The following ANO3 variants were observed in gnomAD, a reference collection of about 807,000 sequenced individuals.
ANO3 encodes anoctamin-3.
In ANO3, 99 loss-of-function variants were observed where a neutral mutation model predicts 144.8. The observed-to-expected ratio is 0.68, with a 90% CI of 0.58 to 0.81. ANO3 has a LOEUF of 0.81. Ranked by LOEUF, ANO3 falls within the 30% of genes least tolerant of loss-of-function variation. The pLI is 0.00. For missense variants in ANO3, 905 were observed against 1,202.2 expected (o/e 0.75, Z 3.66); for synonymous variants, 414 against 392.6 (o/e 1.05, Z -0.64).
intron 4 of ANO3, among the ~76,000 whole-genome samples, chr11:26,465,124 T>TTGTG (rs36230269): frequency 0.044 from 6,404 of 145,326 alleles, 172 homozygotes; most frequent in Middle Eastern, 0.066. Flanking sequence ...CATCATTAAA[T>TTGTG]TGTGTGTGTG....
chr11:26,432,735 T>G (rs1363185169), intron 1 of ANO3, among the ~76,000 whole-genome samples: 1 of 151,964 alleles, frequency 6.6e-6, no homozygotes, highest in African/African-American at 2.4e-5. Flanking sequence ...AATTTCACAT[T>G]CTCTATGCTG....
intron 5 of ANO3, among the ~76,000 whole-genome samples, chr11:26,513,548 G>A (rs294016): frequency 0.027 from 4,183 of 152,152 alleles, 162 homozygotes; most frequent in African/African-American, 0.091. Flanking sequence ...CTCTTCCAGC[G>A]TTCATCAGAT....
chr11:26,310,780 G>A (rs1205181743), intron 1 of ANO3, among the ~76,000 whole-genome samples: 4 of 152,090 alleles, frequency 2.6e-5, no homozygotes, highest in Non-Finnish European at 5.9e-5. Flanking sequence ...TATATTCTGT[G>A]AACTTGTTTA....
chr11:26,567,746 T>C (rs1850649798), intron 14 of ANO3, among the ~76,000 whole-genome samples: 1 of 151,968 alleles, frequency 6.6e-6, no homozygotes, highest in Admixed American at 6.6e-5. Flanking sequence ...CATAGCGGCA[T>C]TATTTATAAG....
chr11:26,200,638 G>A (rs1289704241), intron 1 of ANO3, among the ~76,000 whole-genome samples: 1 of 152,104 alleles, frequency 6.6e-6, no homozygotes, highest in Non-Finnish European at 1.5e-5. Flanking sequence ...GCAAAAGGAA[G>A]ATACAGAGAA....
intron 18 of ANO3, among the ~76,000 whole-genome samples, chr11:26,629,966 G>A (rs1852723733): frequency 6.6e-6 from 1 of 152,074 alleles, no homozygotes; most frequent in Non-Finnish European, 1.5e-5. Flanking sequence ...ATTTCCAATG[G>A]GATTTTAAGT....
chr11:26,541,443 A>T (rs571934523), intron 10 of ANO3, among the ~76,000 whole-genome samples: 1 of 152,282 alleles, frequency 6.6e-6, no homozygotes, highest in South Asian at 2.1e-4. Flanking sequence ...ATAAATTATA[A>T]TAAAAAAAGA....
intron 4 of ANO3, among the ~76,000 whole-genome samples, chr11:26,499,570 A>G (rs1861106705): frequency 6.6e-6 from 1 of 151,626 alleles, no homozygotes; most frequent in South Asian, 2.1e-4. Context: ...TGAAAATTTT[A>G]TGGATTTGTA....
intron 17 of ANO3, among the ~76,000 whole-genome samples, chr11:26,606,398 A>G (rs1202329749): frequency 6.6e-6 from 1 of 152,136 alleles, no homozygotes; most frequent in Non-Finnish European, 1.5e-5. Flanking sequence ...AAGGATGTAT[A>G]TTCTGTTGAT....
intron 1 of ANO3, among the ~76,000 whole-genome samples, chr11:26,230,524 C>T (rs574117345): frequency 3.3e-5 from 5 of 151,994 alleles, no homozygotes; most frequent in African/African-American, 9.6e-5. Flanking sequence ...TGGCCAGGCA[C>T]GGTAGCTCAC....
intron 1 of ANO3, among the ~76,000 whole-genome samples, chr11:26,395,793 C>T (rs10834972): frequency 0.27 from 40,411 of 151,840 alleles, 6,040 homozygotes; most frequent in African/African-American, 0.41. Context: ...CAAAAATTAA[C>T]GCAAGATAGA....
At chr11:26,595,394 GTTC>G (rs1378037097) in intron 14 of ANO3, among the ~76,000 whole-genome samples, 2 of 142,836 alleles carry the variant, frequency 1.4e-5, no homozygotes, top group Admixed American at 1.4e-4. Flanking sequence ...ATAAACAACA[GTTC>G]TTATGCGAAT....
chr11:26,341,319 A>G (rs1564973225), intron 1 of ANO3, among the ~76,000 whole-genome samples: 1 of 152,184 alleles, frequency 6.6e-6, no homozygotes, highest in Non-Finnish European at 1.5e-5. Context: ...GTAATAATGT[A>G]AAGTCATTGT....
At chr11:26,249,482 T>G (rs1171751354) in intron 1 of ANO3, among the ~76,000 whole-genome samples, 7 of 152,162 alleles carry the variant, frequency 4.6e-5, no homozygotes, top group Admixed American at 6.5e-5. Flanking sequence ...TTGTGTGGTG[T>G]TCCGGTATCT....
intron 10 of ANO3, among the ~76,000 whole-genome samples, 166 bp downstream of exon 10, chr11:26,537,627 T>C (rs1230496598): frequency 6.6e-6 from 1 of 152,148 alleles, no homozygotes; most frequent in African/African-American, 2.4e-5. Context: ...GTGCACTGGC[T>C]CCTCTGCCTC....
At chr11:26,565,897 C>A in intron 14 of ANO3, 1 of 1,568,836 alleles carries the variant, frequency 6.4e-7, no homozygotes, top group Non-Finnish European at 8.6e-7. Context: ...TTAAAGGAAT[C>A]TGAAAGAAAA....
At position 26,486,535 on chromosome 11, in the gene ANO3, A is replaced by AT. The variant is rs1268823197; in HGVS notation, c.433-21566dup. Among the ~76,000 whole-genome samples, 7 of 152,290 alleles carry AT rather than the reference A, an allele frequency of 4.6e-5. No homozygotes were observed. In the East Asian group the frequency reaches 1.3e-3, roughly 29 times the overall value. Reference sequence around the variant, plus strand: ...AAGTGCTCTTTGGCGTGATCAAAACATTTATATGTTTGTAGGTGCAAGTTT... The same window carrying AT: ...AAGTGCTCTTTGGCGTGATCAAAACATTTTATATGTTTGTAGGTGCAAGTTT... On this transcript the variant is annotated intron_variant, in intron 4 of 26. Coordinates refer to ENST00000256737, the MANE Select transcript of ANO3 (RefSeq NM_031418.4).
At chr11:26,608,945 C>T (rs1307643200) in intron 17 of ANO3, among the ~76,000 whole-genome samples, 1 of 152,184 alleles carries the variant, frequency 6.6e-6, no homozygotes, top group African/African-American at 2.4e-5. Context: ...ACAGCAGGCA[C>T]CTGCAGCTGT....
intron 1 of ANO3, among the ~76,000 whole-genome samples, chr11:26,202,066 C>A (rs927274227): frequency 6.6e-6 from 1 of 151,006 alleles, no homozygotes; most frequent in Non-Finnish European, 1.5e-5. Context: ...AAAAGTGAAG[C>A]AAACTGATCC....
Sources: gnomAD v4.1 joint callset for allele counts (sites outside exome capture counted in the v4.1 genomes callset) on GRCh38, gnomAD v4.1.1 for gene constraint, MANE v1.5 for transcripts, NCBI Gene and HGNC (gene_info 2026-07-23, HGNC 2026-07-21) for gene names.